Variants in PLLP observed in about 807,000 individuals in gnomAD.
PLLP encodes the protein plasma membrane proteolipid (plasmolipin).
A neutral mutation model predicts 19.7 loss-of-function variants in PLLP; 15 were observed. The observed-to-expected ratio is 0.76, with a 90% confidence interval of 0.51 to 1.17. The LOEUF is 1.17. Ranked by LOEUF, PLLP falls within the 50% of genes most tolerant of loss-of-function variation. The pLI is 0.00. For synonymous variants in PLLP, 111 were observed against 116.3 expected, an observed-to-expected ratio of 0.95 and a Z score of 0.29; for missense variants, 255 against 258.3, an observed-to-expected ratio of 0.99 and a Z score of 0.09.
At chr16:57,274,760 AGTTTATT>A (rs1414577160) in intron 1 of PLLP, among the ~76,000 whole-genome samples, 2 of 131,562 alleles carry the variant, frequency 1.5e-5, no homozygotes, top group African/African-American at 5.8e-5. Context: ...GATCAAGAGT[AGTTTATT>A]GTTTATTTTT....
At chr16:57,267,782 G>A (rs549347409) in intron 1 of PLLP, among the ~76,000 whole-genome samples, 61 of 148,994 alleles carry the variant, frequency 4.1e-4, no homozygotes, top group African/African-American at 1.5e-3. Context: ...GGGAGAGGCA[G>A]GAGAATCGCT....
In PLLP at chr16:57,258,467, C is replaced by G; in HGVS notation, c.427G>C (p.Ala143Pro). The change falls in exon 3 of 4, where the codon GCC (alanine) becomes CCC (proline). Residue 143 changes from alanine to proline, a missense_variant. Ala to Pro is a conservative substitution (Grantham distance 27). Transcript: ENST00000219207. ...GTRPYNQRAA[A>P]SFFACLVMIA... Reference sequence around the variant, plus strand: ...AGCCTGGGAAGCAGACTCACCGAGGCAGCCGCGCGCTGGTTATAAGGCCGG... The same window carrying G: ...AGCCTGGGAAGCAGACTCACCGAGGGAGCCGCGCGCTGGTTATAAGGCCGG... The G allele has an allele frequency of 6.2e-7, 1 of 1,610,466 alleles. No individual in the cohort carries two copies. The highest frequency in any genetic ancestry group is 8.5e-7 in the Non-Finnish European group (1 of 1,179,862).
intron 1 of PLLP, among the ~76,000 whole-genome samples, chr16:57,274,944 G>A (rs545165728): frequency 2.5e-4 from 38 of 151,882 alleles, no homozygotes; most frequent in Non-Finnish European, 4.7e-4. Context: ...TGTATTTTTA[G>A]TAGAGACGGG....
chr16:57,278,649 T>TGCA lies in PLLP; in HGVS notation c.135+5754_135+5756dup, dbSNP rs143266459. 1.0e-3 allele frequency among the ~76,000 whole-genome samples: 154 copies of TGCA among 152,310 alleles called. 3 individuals are homozygous for TGCA. The East Asian group carries it at 0.018, about 18-fold the overall frequency. On this transcript the variant is annotated intron_variant, in intron 1 of 3. Coordinates refer to ENST00000219207, the MANE Select transcript of PLLP (RefSeq NM_015993.3). ...ACAATACAAGGCATTTATTGCTCTG[T>TGCA]GCAGTGGAGCTGGGTTGGATGAAGA...
At position 57,283,115 on chromosome 16, in the gene PLLP, G is replaced by A. The variant is rs58165535; in HGVS notation, c.135+1291C>T. 2.6e-5 allele frequency among the ~76,000 whole-genome samples: 4 copies of A among 152,176 alleles called. No homozygotes were observed. In the East Asian group the frequency reaches 7.7e-4, roughly 29 times the overall value. ...CCCTTCTCCCCCACCCCCCAAAAGAGAAACAAACAAAAAACTCTGGGAGAA... is the reference window on the plus strand; with the variant it reads ...CCCTTCTCCCCCACCCCCCAAAAGAAAAACAAACAAAAAACTCTGGGAGAA... On this transcript the variant is annotated intron_variant, in intron 1 of 3. Transcript: ENST00000219207.
intron 1 of PLLP, among the ~76,000 whole-genome samples, chr16:57,275,614 A>C (rs1315101014): frequency 6.7e-6 from 1 of 148,536 alleles, no homozygotes; most frequent in African/African-American, 2.5e-5. Context: ...AAAAAAAAAA[A>C]AAACACTACA....
intron 1 of PLLP, among the ~76,000 whole-genome samples, chr16:57,262,559 CAAA>C (rs1419598980): frequency 1.6e-4 from 24 of 149,220 alleles, no homozygotes; most frequent in African/African-American, 2.7e-4. Context: ...TCTCAAAAAG[CAAA>C]AATAATAATA....
intron 2 of PLLP, 131 bp from the exon 3 acceptor site, chr16:57,258,715 A>G: frequency 1.2e-6 from 1 of 856,236 alleles, no homozygotes; most frequent in Non-Finnish European, 1.9e-6. Flanking sequence ...TGAGCCCAGG[A>G]GTTAGAGACC....
intron 1 of PLLP, among the ~76,000 whole-genome samples, chr16:57,283,767 C>A (rs1408623792): frequency 6.6e-6 from 1 of 152,196 alleles, no homozygotes; most frequent in Non-Finnish European, 1.5e-5. Context: ...CTGGCTAAAC[C>A]GGCTGAAACC....
At chr16:57,260,534 C>A (rs1225958685) in intron 2 of PLLP, among the ~76,000 whole-genome samples, 1 of 152,208 alleles carries the variant, frequency 6.6e-6, no homozygotes, top group Non-Finnish European at 1.5e-5. Context: ...CCCATTCTGT[C>A]TTGAGGATGA....
chr16:57,279,868 T>A (rs550912375), intron 1 of PLLP, among the ~76,000 whole-genome samples: 1 of 152,330 alleles, frequency 6.6e-6, no homozygotes, highest in East Asian at 1.9e-4. Context: ...GATCTGTTAT[T>A]CACCTGCAAA....
chr16:57,262,206 G>A, intron 1 of PLLP, 136 bp from the exon 2 acceptor site: 3 of 783,442 alleles, frequency 3.8e-6, no homozygotes, highest in Non-Finnish European at 6.2e-6. Flanking sequence ...ATAATCGCTG[G>A]AGGCCAGGAG....
intron 1 of PLLP, among the ~76,000 whole-genome samples, chr16:57,279,278 G>A (rs773689040): frequency 3.9e-5 from 6 of 151,924 alleles, no homozygotes; most frequent in African/African-American, 9.7e-5. Flanking sequence ...GGCTCTCAGC[G>A]TCCAGGCCTG....
intron 1 of PLLP, among the ~76,000 whole-genome samples, chr16:57,279,459 G>C (rs2146451160): frequency 6.6e-6 from 1 of 151,456 alleles, no homozygotes. Flanking sequence ...GATTGCTGGA[G>C]CCCAGGAGTT....
chr16:57,266,122 A>G (rs919201586), intron 1 of PLLP, among the ~76,000 whole-genome samples: 1 of 152,144 alleles, frequency 6.6e-6, no homozygotes, highest in Non-Finnish European at 1.5e-5. Context: ...TGAAGTGTAA[A>G]AAATGAGGAC....
rs887121921 is a variant in PLLP at position 57,256,295 on chromosome 16, G to A, written c.*618C>T. On this transcript the variant is annotated 3_prime_UTR_variant, in exon 4 of 4. Transcript: ENST00000219207. ...AGGCTTGGGAAAGGGAAGGAAACCT[G>A]GACAGGCTTTTCAGCACTGAGAAAT... 9 of 376,554 alleles carry A rather than the reference G, an allele frequency of 2.4e-5. No homozygotes were observed. The highest frequency in any genetic ancestry group is 1.9e-4 in the African/African-American group (9 of 48,204). 23.3% of individuals were successfully genotyped at this position (376,554 alleles called of 1,614,324 possible).
chr16:57,283,418 C>T (rs564077813), intron 1 of PLLP, among the ~76,000 whole-genome samples: 67 of 152,232 alleles, frequency 4.4e-4, no homozygotes, highest in African/African-American at 1.5e-3. Context: ...GCTTGGGCCT[C>T]GCAGCAGCGC....
chr16:57,284,276 T>C (rs1187828874), intron 1 of PLLP, 130 bp downstream of exon 1: 1 of 828,092 alleles, frequency 1.2e-6, no homozygotes, highest in African/African-American at 1.8e-5. Flanking sequence ...GCGCAGCGCG[T>C]CGGTGACAGT....
chr16:57,258,453 C>T lies in PLLP; in HGVS notation c.432+9G>A, dbSNP rs370720225. ...CAGACCACCAAGGGAGCCTGGGAAG[C>T]AGACTCACCGAGGCAGCCGCGCGCT... On this transcript the variant is annotated intron_variant, in intron 3 of 3. Coordinates refer to ENST00000219207, the MANE Select transcript of PLLP (RefSeq NM_015993.3). 1 of 1,607,974 alleles carries T rather than the reference C, an allele frequency of 6.2e-7. No individual in the cohort carries two copies. The highest frequency in any genetic ancestry group is 1.7e-5 in the Admixed American group (1 of 59,920).
Sources: allele counts gnomAD v4.1 joint callset (sites outside exome capture counted in the v4.1 genomes callset), GRCh38; gene constraint gnomAD v4.1.1; transcripts MANE v1.5; gene names NCBI Gene and HGNC (gene_info 2026-07-23, HGNC 2026-07-21).